Variants in PDXDC1 observed in about 807,000 individuals in gnomAD.
The protein encoded by PDXDC1 is pyridoxal-dependent decarboxylase domain-containing protein 1.
PDXDC1 carries 42 observed loss-of-function variants against 100.1 expected under a neutral mutation model. The observed-to-expected ratio is 0.42, with a 90% CI of 0.33 to 0.54. The LOEUF (loss-of-function observed/expected upper bound fraction) is 0.54. Ranked by LOEUF, PDXDC1 falls within the 20% of genes least tolerant of loss-of-function variation. The pLI is 0.10. For synonymous variants in PDXDC1, 260 were observed against 371.7 expected (o/e 0.70, Z 3.46); for missense variants, 636 against 979.2 (o/e 0.65, Z 4.68).
chr16:15,122,411 C>T (rs1174292111), intron 16 of PDXDC1, among the ~76,000 whole-genome samples: 2 of 145,750 alleles, frequency 1.4e-5, no homozygotes, highest in Admixed American at 7.0e-5. Flanking sequence ...GATGGGGTTT[C>T]GCTATGATGC....
Position 15,033,384 on chromosome 16 carries a change from AGAG to A in PDXDC1, c.1801_1803del (p.Glu601del). On this transcript the variant is annotated inframe_deletion, in exon 19 of 23. Transcript: ENST00000396410. ...CCATTGCGGCCACAGCCCGGGAGAT[AGAG>A]GAGAACTCGAGGGTCCGTAGCACCC... 6.2e-7 allele frequency: 1 copy of A among 1,614,146 alleles called. No individual in the cohort carries two copies. The highest frequency in any genetic ancestry group is 8.5e-7 in the Non-Finnish European group (1 of 1,180,008).
chr16:15,088,272 T>C (rs1226480874), intron 16 of PDXDC1, among the ~76,000 whole-genome samples: 1 of 152,056 alleles, frequency 6.6e-6, no homozygotes, highest in Admixed American at 6.6e-5. Context: ...GCCCAGGAAT[T>C]TGAGACCAGC....
downstream of PDXDC1, among the ~76,000 whole-genome samples, chr16:15,042,477 A>G (rs2043859854): frequency 6.6e-6 from 1 of 152,160 alleles, no homozygotes; most frequent in South Asian, 2.1e-4. Context: ...GGAATGAGCC[A>G]CTGCGCCCAG....
chr16:15,133,052 T>A, intron 16 of PDXDC1: 1 of 742,294 alleles, frequency 1.3e-6, no homozygotes, highest in Non-Finnish European at 2.2e-6. Context: ...TGGGCCCTCC[T>A]GGGCGGGGGC....
At chr16:15,126,140 T>G (rs910083725) in intron 16 of PDXDC1, among the ~76,000 whole-genome samples, 3 of 151,860 alleles carry the variant, frequency 2.0e-5, no homozygotes, top group African/African-American at 7.3e-5. Flanking sequence ...GTTCAGGCGA[T>G]TGTCCTGGCT....
chr16:14,994,400 C>A (rs1971517161), intron 1 of PDXDC1, among the ~76,000 whole-genome samples: 1 of 152,294 alleles, frequency 6.6e-6, no homozygotes, highest in Non-Finnish European at 1.5e-5. Context: ...CAAGGGAATC[C>A]TTTCCCCATT....
intron 16 of PDXDC1, among the ~76,000 whole-genome samples, chr16:15,103,954 G>A (rs1262329326): frequency 4.3e-5 from 1 of 23,298 alleles, no homozygotes; most frequent in Non-Finnish European, 9.2e-5. Context: ...GCTGGTGGTC[G>A]GGACAAGTAG....
intron 8 of PDXDC1, among the ~76,000 whole-genome samples, chr16:15,009,986 T>G (rs1248272397): frequency 6.6e-6 from 1 of 152,308 alleles, no homozygotes; most frequent in Non-Finnish European, 1.5e-5. Context: ...CTTTTTCATT[T>G]AGATGGTAAA....
intron 15 of PDXDC1, 60 bp from the exon 16 acceptor site, chr16:15,029,891 G>A: frequency 2.0e-6 from 3 of 1,464,966 alleles, no homozygotes; most frequent in Non-Finnish European, 1.9e-6. Flanking sequence ...GATGAGGGTG[G>A]GTCCTGAAGA....
chr16:15,146,439 G>T, the PDXDC1 span, among the ~76,000 whole-genome samples: 1 of 152,108 alleles, frequency 6.6e-6, no homozygotes, highest in Non-Finnish European at 1.5e-5. Context: ...AAAGGAGTGA[G>T]GACGATACTC....
chr16:15,042,185 C>CTTT (rs34790085), downstream of PDXDC1, among the ~76,000 whole-genome samples: 2 of 135,576 alleles, frequency 1.5e-5, no homozygotes, highest in African/African-American at 2.7e-5. Flanking sequence ...AATTTTATAT[C>CTTT]TTTTTTTTTT....
intron 16 of PDXDC1, chr16:15,047,623 G>A: frequency 8.8e-7 from 1 of 1,134,938 alleles, no homozygotes. Flanking sequence ...GACTCCGCCT[G>A]TCCCTCCGGA....
At chr16:15,089,557 T>C (rs2046036627) in intron 16 of PDXDC1, among the ~76,000 whole-genome samples, 2 of 152,008 alleles carry the variant, frequency 1.3e-5, no homozygotes, top group African/African-American at 2.4e-5. Flanking sequence ...TCCCAGCACT[T>C]TGGGAGGCCA....
intron 16 of PDXDC1, among the ~76,000 whole-genome samples, chr16:15,073,349 T>C (rs1330668958): frequency 1.3e-5 from 2 of 152,060 alleles, no homozygotes; most frequent in East Asian, 1.9e-4. Flanking sequence ...CCCAGCTACA[T>C]GGGAGGCTGA....
chr16:15,149,509 G>A, the PDXDC1 span, among the ~76,000 whole-genome samples: 2 of 152,202 alleles, frequency 1.3e-5, no homozygotes, highest in Admixed American at 1.3e-4. Context: ...GCGCTCTAAG[G>A]CATCAGGCCT....
intron 14 of PDXDC1, among the ~76,000 whole-genome samples, chr16:15,028,297 C>T (rs534171883): frequency 1.0e-3 from 158 of 152,392 alleles, no homozygotes; most frequent in African/African-American, 3.4e-3. Flanking sequence ...CTCACCATTT[C>T]GGTCTCCACT....
At chr16:15,040,282 A>C (rs891842749), downstream of PDXDC1, 1 of 428,214 alleles carries the variant, frequency 2.3e-6, no homozygotes, top group Non-Finnish European at 4.1e-6. Context: ...GGACTCGGTG[A>C]GATTTTGTTC....
intron 1 of PDXDC1, among the ~76,000 whole-genome samples, chr16:14,992,431 A>C (rs1205515280): frequency 3.9e-5 from 6 of 152,406 alleles, no homozygotes; most frequent in Non-Finnish European, 7.3e-5. Flanking sequence ...GGTAGGGGAC[A>C]CACGGGAGTG....
intron 16 of PDXDC1, chr16:15,104,366 A>G (rs2046684550): frequency 1.9e-6 from 3 of 1,597,920 alleles, no homozygotes; most frequent in East Asian, 4.5e-5. Flanking sequence ...TCAGATTATC[A>G]TCCACTGAGG....
Sources: gnomAD v4.1 joint callset for allele counts (sites outside exome capture counted in the v4.1 genomes callset) on GRCh38, gnomAD v4.1.1 for gene constraint, MANE v1.5 for transcripts, NCBI Gene and HGNC (gene_info 2026-07-23, HGNC 2026-07-21) for gene names.